The following ANK2 variants were observed in gnomAD, a reference collection of about 807,000 sequenced individuals.
The protein encoded by ANK2 is ankyrin-2.
Under a neutral mutation model 360.5 loss-of-function variants are expected in ANK2, and 83 were observed. That is an observed-to-expected ratio of 0.23 (90% CI 0.19 to 0.28). The LOEUF is 0.28. Among genes scored for constraint, ANK2 ranks in the 10% least tolerant of loss-of-function variants. The pLI, the probability that ANK2 is intolerant of heterozygous loss-of-function variation, is 1.00. For missense variants in ANK2, 4,201 were observed against 4,795.7 expected (o/e 0.88, Z 3.66); for synonymous variants, 1,740 against 1,759.5 (o/e 0.99, Z 0.28).
At chr4:113,132,621 G>A (rs2096122089) in intron 1 of ANK2, among the ~76,000 whole-genome samples, 1 of 152,126 alleles carries the variant, frequency 6.6e-6, no homozygotes, top group South Asian at 2.1e-4. Flanking sequence ...GGAACATTTG[G>A]GATCTGACAT....
At chr4:112,712,500 C>T in the ANK2 span, among the ~76,000 whole-genome samples, 9 of 149,808 alleles carry the variant, frequency 6.0e-5, no homozygotes, top group Admixed American at 2.0e-4. Context: ...CTCCGCCTCC[C>T]GGGTTCACGC....
At chr4:112,923,883 A>C (rs1208591807) in intron 2 of ANK2, among the ~76,000 whole-genome samples, 1 of 152,216 alleles carries the variant, frequency 6.6e-6, no homozygotes, top group Non-Finnish European at 1.5e-5. Context: ...CACAGATTTT[A>C]AAATAATAAT....
chr4:112,739,953 A>G, the ANK2 span, among the ~76,000 whole-genome samples: 1 of 152,176 alleles, frequency 6.6e-6, no homozygotes, highest in Non-Finnish European at 1.5e-5. Context: ...CTGTGATCAC[A>G]CCACTGAACT....
chr4:112,860,266 G>A lies in ANK2; in HGVS notation c.-40+42002G>A, dbSNP rs185501232. ...TTTTGAGACGGAGTCTTGCTCTGTCGCCCAGGCTGGAGTGCAGTGGTGTGA... is the reference window on the plus strand; with the variant it reads ...TTTTGAGACGGAGTCTTGCTCTGTCACCCAGGCTGGAGTGCAGTGGTGTGA... On this transcript the variant is annotated intron_variant, in intron 1 of 30. Transcript: ENST00000503271. Among the ~76,000 whole-genome samples, 25 of 151,792 alleles carry A rather than the reference G, an allele frequency of 1.6e-4. No homozygotes were observed. The East Asian group carries it at 3.5e-3, about 21-fold the overall frequency.
chr4:112,746,009 T>C, the ANK2 span, among the ~76,000 whole-genome samples: 1 of 152,174 alleles, frequency 6.6e-6, no homozygotes, highest in Non-Finnish European at 1.5e-5. Context: ...TGTTGTTTTT[T>C]TTCAATAATC....
In ANK2 at chr4:113,311,196, T is replaced by A. The variant is rs958078478; in HGVS notation, c.2549-59T>A. 10 of 1,604,090 alleles carry A rather than the reference T, an allele frequency of 6.2e-6. No individual in the cohort carries two copies. The African/African-American group carries it at 8.0e-5, about 13-fold the overall frequency. On this transcript the variant is annotated intron_variant, in intron 23 of 45. Transcript: ENST00000357077. ...GATGCATTTCACAATCATGACCATA[T>A]GTTGTAGTTGATATTACATTCAAGA...
the ANK2 span, among the ~76,000 whole-genome samples, chr4:112,735,165 C>A: frequency 6.6e-6 from 1 of 151,916 alleles, no homozygotes; most frequent in Non-Finnish European, 1.5e-5. Context: ...TGGGTGGATC[C>A]TTTGAGCCCA....
intron 1 of ANK2, among the ~76,000 whole-genome samples, chr4:113,155,119 C>T (rs995165886): frequency 3.3e-5 from 5 of 152,178 alleles, no homozygotes; most frequent in Non-Finnish European, 5.9e-5. Context: ...TATTGAGCCC[C>T]TATTATCTGC....
In ANK2 at chr4:113,288,315, C is replaced by A. The variant is rs575760685; in HGVS notation, c.2179-73C>A. On this transcript the variant is annotated intron_variant, in intron 19 of 45. Coordinates refer to ENST00000357077, the MANE Select transcript of ANK2 (RefSeq NM_001148.6). ...ACTGATACTCTACCCAGTCCTTCTC[C>A]TCTGGGGTATTAACCACTAGAGTAG... 3 of 1,245,054 alleles carry A rather than the reference C, an allele frequency of 2.4e-6. No homozygotes were observed. In the South Asian group the frequency reaches 3.7e-5, roughly 15 times the overall value. The allele number at this position is 1,245,054 out of a possible 1,614,324, so 77.1% of individuals were successfully genotyped here. A position where few individuals can be genotyped will look rare whatever the true frequency, so the allele number is the denominator to read the frequency against.
At chr4:113,046,878 C>G (rs1415793399), upstream of ANK2, among the ~76,000 whole-genome samples, 1 of 152,162 alleles carries the variant, frequency 6.6e-6, no homozygotes, top group Non-Finnish European at 1.5e-5. Context: ...AGAACATAAT[C>G]AGAAGTTACT....
intron 24 of ANK2, chr4:113,313,802 G>T (rs1259156761): frequency 1.4e-5 from 2 of 142,650 alleles, no homozygotes; most frequent in Non-Finnish European, 3.0e-5. Context: ...GGGTGAGGGG[G>T]AGCGGTGGGG....
the ANK2 span, chr4:112,738,800 C>T: frequency 1.8e-4 from 114 of 624,266 alleles, no homozygotes; most frequent in Non-Finnish European, 3.3e-4. Context: ...GTATTGACAA[C>T]AGGGTTCATA....
chr4:112,707,290 CTTTGCCACG>C, the ANK2 span, among the ~76,000 whole-genome samples: 2 of 152,168 alleles, frequency 1.3e-5, no homozygotes, highest in Non-Finnish European at 2.9e-5. Flanking sequence ...CTAACAAGGT[CTTTGCCACG>C]TTTGAATTTT....
At chr4:112,851,103 C>T (rs1343368454) in intron 1 of ANK2, among the ~76,000 whole-genome samples, 1 of 152,050 alleles carries the variant, frequency 6.6e-6, no homozygotes, top group East Asian at 1.9e-4. Context: ...CAGATGAAGA[C>T]CAAAATGCTG....
Position 113,275,076 on chromosome 4 carries a change from A to G in ANK2, c.1683+427A>G, listed in dbSNP as rs79794114. On this transcript the variant is annotated intron_variant, in intron 15 of 45. Transcript: ENST00000357077. ...ATAGTACCAGATCGAAGCTCAATTT[A>G]CTTGTACATTTTCGCAACCCTACTA... Among the ~76,000 whole-genome samples the G allele has an allele frequency of 8.8e-4, 134 of 152,326 alleles. 1 individual carries two copies. The highest frequency in any genetic ancestry group is 3.1e-3 in the African/African-American group (129 of 41,580).
chr4:113,190,429 T>G (rs2098639997), intron 2 of ANK2, among the ~76,000 whole-genome samples: 1 of 152,010 alleles, frequency 6.6e-6, no homozygotes, highest in Non-Finnish European at 1.5e-5. Flanking sequence ...TTTTAAATGC[T>G]GAGCTTGGCA....
At chr4:112,772,664 G>A in the ANK2 span, among the ~76,000 whole-genome samples, 2 of 152,192 alleles carry the variant, frequency 1.3e-5, no homozygotes, top group Non-Finnish European at 2.9e-5. Context: ...AACTAGTATA[G>A]CATTACCTAG....
intron 2 of ANK2, among the ~76,000 whole-genome samples, chr4:113,179,204 G>C (rs776352018): frequency 6.6e-5 from 10 of 152,128 alleles, no homozygotes; most frequent in Non-Finnish European, 1.0e-4. Context: ...TATGAAAGAA[G>C]AAAAGAAAAT....
chr4:112,875,371 TG>T (rs2074721724), intron 1 of ANK2, among the ~76,000 whole-genome samples: 1 of 152,182 alleles, frequency 6.6e-6, no homozygotes, highest in Non-Finnish European at 1.5e-5. Context: ...TGGAGTGCAG[TG>T]GTGCCATCAT....
Sources: allele counts gnomAD v4.1 joint callset (sites outside exome capture counted in the v4.1 genomes callset), GRCh38; gene constraint gnomAD v4.1.1; transcripts MANE v1.5; gene names NCBI Gene and HGNC (gene_info 2026-07-23, HGNC 2026-07-21).